The following CDKAL1 variants were observed in gnomAD, a reference collection of about 807,000 sequenced individuals.
The protein encoded by CDKAL1 is threonylcarbamoyladenosine tRNA methylthiotransferase.
A neutral mutation model predicts 68.2 loss-of-function variants in CDKAL1; 32 were observed. That is an observed-to-expected ratio of 0.47 (90% CI 0.35 to 0.63). The LOEUF (loss-of-function observed/expected upper bound fraction) is 0.63, where lower values mean the gene tolerates loss of function less well. Among genes scored for constraint, CDKAL1 ranks in the 30% least tolerant of loss-of-function variants. The pLI is 0.00. For missense variants in CDKAL1, 606 were observed against 696.7 expected, an observed-to-expected ratio of 0.87 and a Z score of 1.47; for synonymous variants, 234 against 244.3, an observed-to-expected ratio of 0.96 and a Z score of 0.39.
chr6:20,832,914 C>T (rs1233735186), intron 8 of CDKAL1, among the ~76,000 whole-genome samples: 2 of 152,096 alleles, frequency 1.3e-5, no homozygotes, highest in Non-Finnish European at 2.9e-5. Flanking sequence ...GACTTTTAGT[C>T]TGAGGATTAA....
intron 11 of CDKAL1, among the ~76,000 whole-genome samples, chr6:21,016,665 C>CATCCATCT (rs1179518367): frequency 6.8e-6 from 1 of 147,478 alleles, no homozygotes; most frequent in African/African-American, 2.5e-5. Flanking sequence ...TCCATCCATC[C>CATCCATCT]ATCCATCTTA....
At chr6:20,858,720 A>T (rs975491169) in intron 9 of CDKAL1, among the ~76,000 whole-genome samples, 2 of 152,204 alleles carry the variant, frequency 1.3e-5, no homozygotes, top group Non-Finnish European at 2.9e-5. Flanking sequence ...GGAGTGTTAT[A>T]AAATTGCATG....
At chr6:20,628,663 G>GAAAA in intron 4 of CDKAL1, among the ~76,000 whole-genome samples, 1 of 149,104 alleles carries the variant, frequency 6.7e-6, no homozygotes, top group African/African-American at 2.5e-5. Flanking sequence ...TACTTTCAGG[G>GAAAA]AAAAAAAAAA....
At chr6:20,746,475 C>T (rs982405529) in intron 6 of CDKAL1, among the ~76,000 whole-genome samples, 6 of 152,138 alleles carry the variant, frequency 3.9e-5, no homozygotes, top group Admixed American at 2.6e-4. Context: ...CTTCTCATAG[C>T]GTTGAAACAC....
intron 9 of CDKAL1, among the ~76,000 whole-genome samples, chr6:20,923,743 C>T (rs922992322): frequency 9.2e-5 from 14 of 152,166 alleles, no homozygotes; most frequent in Non-Finnish European, 1.8e-4. Flanking sequence ...GCAGGCATGG[C>T]GGCACACGCC....
intron 9 of CDKAL1, among the ~76,000 whole-genome samples, chr6:20,876,304 A>T (rs768605149): frequency 6.6e-6 from 1 of 152,198 alleles, no homozygotes; most frequent in African/African-American, 2.4e-5. Context: ...GGCAGGATGT[A>T]AGGGTGTACT....
intron 5 of CDKAL1, among the ~76,000 whole-genome samples, chr6:20,666,828 A>T (rs1440428039): frequency 6.6e-6 from 1 of 151,826 alleles, no homozygotes; most frequent in Non-Finnish European, 1.5e-5. Context: ...AGATTTAACT[A>T]GTTCTTTCTT....
chr6:20,966,752 A>G (rs907836037), intron 10 of CDKAL1, among the ~76,000 whole-genome samples: 1 of 152,232 alleles, frequency 6.6e-6, no homozygotes, highest in Non-Finnish European at 1.5e-5. Flanking sequence ...TTTTAAAAGC[A>G]TACTCTGTAT....
intron 11 of CDKAL1, among the ~76,000 whole-genome samples, chr6:21,030,959 C>G (rs1223955814): frequency 6.6e-6 from 1 of 152,014 alleles, no homozygotes; most frequent in African/African-American, 2.4e-5. Context: ...TTTCTAATGC[C>G]ATGTAACAAA....
chr6:20,785,446 G>A (rs1300370665), intron 8 of CDKAL1, among the ~76,000 whole-genome samples: 3 of 151,510 alleles, frequency 2.0e-5, no homozygotes, highest in African/African-American at 7.3e-5. Flanking sequence ...CTCCTGAGTA[G>A]CTGGGACTTC....
At chr6:20,863,906 G>C (rs1318698346) in intron 9 of CDKAL1, among the ~76,000 whole-genome samples, 1 of 152,112 alleles carries the variant, frequency 6.6e-6, no homozygotes, top group Non-Finnish European at 1.5e-5. Flanking sequence ...GGTTACATCT[G>C]TGCTTTTCAG....
chr6:20,657,977 T>C (rs1322584282), intron 5 of CDKAL1, among the ~76,000 whole-genome samples: 1 of 151,256 alleles, frequency 6.6e-6, no homozygotes, highest in African/African-American at 2.5e-5. Context: ...TTAGACCATT[T>C]TGATTTAGAC....
At chr6:20,713,488 G>A (rs113877840) in intron 5 of CDKAL1, among the ~76,000 whole-genome samples, 5,613 of 152,170 alleles carry the variant, frequency 0.037, 114 homozygotes, top group Middle Eastern at 0.078. Flanking sequence ...TTAGGAGACT[G>A]ATATTCTTTT....
intron 9 of CDKAL1, among the ~76,000 whole-genome samples, chr6:20,891,148 C>T (rs1332138052): frequency 6.6e-6 from 1 of 152,208 alleles, no homozygotes; most frequent in Non-Finnish European, 1.5e-5. Context: ...ATTTACATGG[C>T]TACCGCATGA....
chr6:20,789,281 A>G (rs947559242), intron 8 of CDKAL1, among the ~76,000 whole-genome samples: 25 of 152,224 alleles, frequency 1.6e-4, no homozygotes, highest in Admixed American at 3.9e-4. Flanking sequence ...GAAATTTTAA[A>G]GTAATATTTA....
intron 9 of CDKAL1, among the ~76,000 whole-genome samples, chr6:20,949,791 C>A (rs928485963): frequency 3.3e-5 from 5 of 150,794 alleles, no homozygotes; most frequent in African/African-American, 9.8e-5. Context: ...CGAAAGTTTT[C>A]TGAAGAAGTA....
chr6:20,588,092 G>A lies in CDKAL1; in HGVS notation c.286+39387G>A, dbSNP rs1437185465. Reference sequence around the variant, plus strand: ...AGCCTGGGCGACAGAGCAAGACCCTGCCTCAAAACAAAACAAAATAAAACA... The same window carrying A: ...AGCCTGGGCGACAGAGCAAGACCCTACCTCAAAACAAAACAAAATAAAACA... On this transcript the variant is annotated intron_variant, in intron 4 of 15. Transcript: ENST00000274695. Among the ~76,000 whole-genome samples the A allele has an allele frequency of 2.0e-5, 3 of 152,084 alleles. No homozygotes were observed. The East Asian group carries it at 5.8e-4, about 29-fold the overall frequency.
Position 20,546,382 on chromosome 6 carries a change from A to T in CDKAL1, c.32A>T (p.Asp11Val). MPSASCDTLL[D>V]DIEDIVSQED... ...TCTGCATCCTGTGATACACTACTGG[A>T]TGACATCGAAGATATCGTGTCTCAG... Residue 11 changes from aspartate (D) to valine (V), a missense_variant, in exon 3 of 16, where the codon GAT becomes GTT. Asp to Val is a radical substitution (Grantham distance 152). Coordinates refer to ENST00000274695, the MANE Select transcript of CDKAL1 (RefSeq NM_017774.3). 3 of 1,613,972 alleles carry T rather than the reference A, an allele frequency of 1.9e-6. No homozygotes were observed. Among genetic ancestry groups the T allele is most frequent in the Non-Finnish European group, 2.5e-6 (3 of 1,179,858 alleles).
chr6:21,132,785 A>G (rs2151022969), intron 13 of CDKAL1, among the ~76,000 whole-genome samples: 1 of 152,222 alleles, frequency 6.6e-6, no homozygotes, highest in South Asian at 2.1e-4. Context: ...TTGCTTGCAC[A>G]TCTGTCTACC....
Sources: allele counts gnomAD v4.1 joint callset (sites outside exome capture counted in the v4.1 genomes callset), GRCh38; gene constraint gnomAD v4.1.1; transcripts MANE v1.5; gene names NCBI Gene and HGNC (gene_info 2026-07-23, HGNC 2026-07-21).